The following SPOCK3 variants were observed in gnomAD, a reference collection of about 807,000 sequenced individuals.
SPOCK3 encodes the protein SPARC (osteonectin), cwcv and kazal like domains proteoglycan 3.
A neutral mutation model predicts 56.6 loss-of-function variants in SPOCK3; 30 were observed. That is an observed-to-expected ratio of 0.53 (90% CI 0.40 to 0.72). SPOCK3 has a LOEUF of 0.72. SPOCK3 is among the 30% of genes least tolerant of loss of function. SPOCK3 has a pLI of 0.00. For missense variants in SPOCK3, 527 were observed against 530.0 expected (o/e 0.99, Z 0.06); for synonymous variants, 196 against 183.3 (o/e 1.07, Z -0.56).
At chr4:166,845,188 A>G (rs1445310180) in intron 6 of SPOCK3, among the ~76,000 whole-genome samples, 2 of 152,232 alleles carry the variant, frequency 1.3e-5, no homozygotes, top group African/African-American at 4.8e-5. Flanking sequence ...ATAAGGATAA[A>G]TTAGCTACAA....
intron 2 of SPOCK3, among the ~76,000 whole-genome samples, chr4:167,192,489 C>A (rs983551856): frequency 6.9e-6 from 1 of 145,274 alleles, no homozygotes; most frequent in Non-Finnish European, 1.5e-5. Flanking sequence ...TTTAAATTTT[C>A]TATTTCTTCT....
intron 3 of SPOCK3, among the ~76,000 whole-genome samples, chr4:167,060,008 G>C (rs1381454181): frequency 6.6e-6 from 1 of 151,904 alleles, no homozygotes; most frequent in East Asian, 1.9e-4. Context: ...TTGTGGGGTG[G>C]GGGGAGTGGG....
chr4:166,764,220 T>C (rs1329913821), intron 7 of SPOCK3, among the ~76,000 whole-genome samples: 1 of 152,066 alleles, frequency 6.6e-6, no homozygotes, highest in African/African-American at 2.4e-5. Context: ...CTTTAAGTTC[T>C]AGGGTACATG....
chr4:166,859,739 G>A (rs745557469), intron 6 of SPOCK3, among the ~76,000 whole-genome samples: 12 of 152,040 alleles, frequency 7.9e-5, no homozygotes, highest in South Asian at 2.1e-4. Flanking sequence ...AGATCAGAAG[G>A]GGAATGTTTT....
At chr4:167,063,518 T>C (rs1418180257) in intron 2 of SPOCK3, among the ~76,000 whole-genome samples, 1 of 151,734 alleles carries the variant, frequency 6.6e-6, no homozygotes, top group Non-Finnish European at 1.5e-5. Flanking sequence ...TCAAAAGGGG[T>C]CAGCAGAGAT....
At chr4:167,205,252 T>A (rs1410437661) in intron 2 of SPOCK3, among the ~76,000 whole-genome samples, 2 of 81,058 alleles carry the variant, frequency 2.5e-5, no homozygotes, top group African/African-American at 5.1e-5. Flanking sequence ...TTATATATTA[T>A]ATATATTTTA....
chr4:166,763,993 C>G (rs1737597655), intron 7 of SPOCK3, among the ~76,000 whole-genome samples: 1 of 151,972 alleles, frequency 6.6e-6, no homozygotes, highest in Non-Finnish European at 1.5e-5. Context: ...AGCGGGGTTG[C>G]TGGCAAGATT....
At chr4:166,824,612 A>T (rs533655134) in intron 6 of SPOCK3, among the ~76,000 whole-genome samples, 1 of 152,212 alleles carries the variant, frequency 6.6e-6, no homozygotes, top group East Asian at 1.9e-4. Context: ...AATCAGCCCT[A>T]TACTTTTATT....
At chr4:166,999,800 A>G (rs974996802) in intron 4 of SPOCK3, among the ~76,000 whole-genome samples, 48 of 152,146 alleles carry the variant, frequency 3.2e-4, no homozygotes, top group African/African-American at 8.7e-4. Flanking sequence ...GTTATAAGAT[A>G]CTTGAAATCC....
chr4:166,956,930 T>A (rs1381797264), intron 4 of SPOCK3, among the ~76,000 whole-genome samples: 1 of 152,090 alleles, frequency 6.6e-6, no homozygotes, highest in Non-Finnish European at 1.5e-5. Flanking sequence ...TCCCAACTCT[T>A]CCCTTGCACT....
At position 167,083,889 on chromosome 4, in the gene SPOCK3, T is replaced by A. The variant is rs188371830; in HGVS notation, c.190-21352A>T. On this transcript the variant is annotated intron_variant, in intron 2 of 10. Transcript: ENST00000357545. ...GTTATGTTACATTTTTCTACCAAGATCACAAAATGTTAAATAATGGTACAT... is the reference window on the plus strand; with the variant it reads ...GTTATGTTACATTTTTCTACCAAGAACACAAAATGTTAAATAATGGTACAT... Among the ~76,000 whole-genome samples, 48 of 152,244 alleles carry A rather than the reference T, an allele frequency of 3.2e-4. No individual in the cohort carries two copies. The East Asian group carries it at 8.7e-3, about 28-fold the overall frequency.
rs550849139 is a variant in SPOCK3 at position 167,026,715 on chromosome 4, C to T, written c.236-26252G>A. Among the ~76,000 whole-genome samples the T allele has an allele frequency of 4.6e-5, 7 of 151,660 alleles. No individual in the cohort carries two copies. The South Asian group carries it at 6.3e-4, about 14-fold the overall frequency. ...TAGCTTATGACAATACACTATTTTACATCTAGATATTGTATGCATTTTGAA... is the reference window on the plus strand; with the variant it reads ...TAGCTTATGACAATACACTATTTTATATCTAGATATTGTATGCATTTTGAA... On this transcript the variant is annotated intron_variant, in intron 3 of 10. Coordinates refer to ENST00000357545, the MANE Select transcript of SPOCK3 (RefSeq NM_001040159.2).
intron 2 of SPOCK3, among the ~76,000 whole-genome samples, chr4:167,195,597 G>C (rs1732865890): frequency 1.3e-5 from 2 of 152,168 alleles, no homozygotes; most frequent in Admixed American, 1.3e-4. Flanking sequence ...GTTCAGATCT[G>C]TTTTAGTATT....
At chr4:166,792,367 A>G in intron 6 of SPOCK3, 78 bp from the exon 7 acceptor site, 1 of 1,502,822 alleles carries the variant, frequency 6.7e-7, no homozygotes, top group South Asian at 1.2e-5. Context: ...TTAGTCCAAT[A>G]AACTGAAAGG....
At chr4:167,054,254 T>G (rs557397889) in intron 3 of SPOCK3, among the ~76,000 whole-genome samples, 1 of 152,310 alleles carries the variant, frequency 6.6e-6, no homozygotes, top group South Asian at 2.1e-4. Context: ...TACACACCAA[T>G]ATCAATTTAT....
At position 167,090,023 on chromosome 4, in the gene SPOCK3, C is replaced by T. The variant is rs551605799; in HGVS notation, c.190-27486G>A. ...ATGTACAACAATTTGGGTATCCTTT[C>T]GGCAGCTGCACATTTGGGTAGTTTT... On this transcript the variant is annotated intron_variant, in intron 2 of 10. Transcript: ENST00000357545. 3.2e-3 allele frequency among the ~76,000 whole-genome samples: 489 copies of T among 152,218 alleles called. 4 individuals are homozygous for T. The highest frequency in any genetic ancestry group is 0.011 in the African/African-American group (466 of 41,546).
chr4:166,840,999 C>T (rs753125715), intron 6 of SPOCK3, among the ~76,000 whole-genome samples: 1 of 151,608 alleles, frequency 6.6e-6, no homozygotes, highest in East Asian at 2.0e-4. Flanking sequence ...AGGATAGTCT[C>T]GATCTCCTGA....
At chr4:166,778,713 T>C (rs1739839776) in intron 7 of SPOCK3, among the ~76,000 whole-genome samples, 1 of 148,906 alleles carries the variant, frequency 6.7e-6, no homozygotes, top group Non-Finnish European at 1.5e-5. Flanking sequence ...GATAAATAAT[T>C]GAATTCTAGA....
At chr4:166,913,192 T>C (rs949781390) in intron 4 of SPOCK3, among the ~76,000 whole-genome samples, 2 of 152,090 alleles carry the variant, frequency 1.3e-5, no homozygotes, top group Non-Finnish European at 2.9e-5. Context: ...AAAACAGAAA[T>C]AAAGAATTAC....
Sources: allele counts gnomAD v4.1 joint callset (sites outside exome capture counted in the v4.1 genomes callset), GRCh38; gene constraint gnomAD v4.1.1; transcripts MANE v1.5; gene names NCBI Gene and HGNC (gene_info 2026-07-23, HGNC 2026-07-21).